PHACTR1: variants seen among roughly 807,000 people sequenced by gnomAD.
PHACTR1 encodes phosphatase and actin regulator 1, also known as RPEL repeat containing 1.
PHACTR1 carries 16 observed loss-of-function variants against 69.2 expected under a neutral mutation model. The observed-to-expected ratio is 0.23, with a 90% confidence interval of 0.16 to 0.35. The LOEUF (loss-of-function observed/expected upper bound fraction) is 0.35, where lower values mean the gene tolerates loss of function less well. Among genes scored for constraint, PHACTR1 ranks in the 10% least tolerant of loss-of-function variants. The pLI, the probability that PHACTR1 is intolerant of heterozygous loss-of-function variation, is 1.00. For missense variants in PHACTR1, 510 were observed against 734.7 expected (o/e 0.69, Z 3.54); for synonymous variants, 312 against 284.5 (o/e 1.10, Z -0.97).
At chr6:13,254,040 T>C (rs1774851469) in intron 10 of PHACTR1, among the ~76,000 whole-genome samples, 1 of 152,120 alleles carries the variant, frequency 6.6e-6, no homozygotes, top group Non-Finnish European at 1.5e-5. Context: ...CCAGCCTGGC[T>C]AACATGGTGA....
At chr6:13,238,298 G>A (rs1182254310) in intron 10 of PHACTR1, among the ~76,000 whole-genome samples, 4 of 152,150 alleles carry the variant, frequency 2.6e-5, no homozygotes, top group African/African-American at 4.8e-5. Context: ...TTTCTCCTTC[G>A]TAAAGGACCG....
intron 4 of PHACTR1, among the ~76,000 whole-genome samples, chr6:12,933,195 G>A (rs140245939): frequency 0.017 from 2,627 of 151,744 alleles, 79 homozygotes; most frequent in African/African-American, 0.06. Context: ...CCCCTGTCTC[G>A]CCCTCCCAAA....
intron 6 of PHACTR1, among the ~76,000 whole-genome samples, chr6:13,165,964 G>C (rs1465891875): frequency 6.6e-6 from 1 of 152,192 alleles, no homozygotes; most frequent in Non-Finnish European, 1.5e-5. Flanking sequence ...AGAAATTCCA[G>C]GTTTCTACAA....
At chr6:13,078,570 T>C (rs1451386131) in intron 5 of PHACTR1, among the ~76,000 whole-genome samples, 1 of 152,314 alleles carries the variant, frequency 6.6e-6, no homozygotes, top group South Asian at 2.1e-4. Flanking sequence ...CTAGTTTCCT[T>C]AGGCATTTTC....
At chr6:12,882,428 T>C (rs1783193897) in intron 4 of PHACTR1, among the ~76,000 whole-genome samples, 1 of 152,078 alleles carries the variant, frequency 6.6e-6, no homozygotes, top group South Asian at 2.1e-4. Flanking sequence ...ATTTATCTCA[T>C]TACCATGCAG....
At chr6:12,962,738 T>G (rs552546537) in intron 4 of PHACTR1, among the ~76,000 whole-genome samples, 1 of 152,356 alleles carries the variant, frequency 6.6e-6, no homozygotes, top group East Asian at 1.9e-4. Context: ...AACATAGTTT[T>G]GAATTAGATG....
chr6:13,119,577 C>A (rs1239196297), intron 5 of PHACTR1, among the ~76,000 whole-genome samples: 1 of 152,172 alleles, frequency 6.6e-6, no homozygotes, highest in Non-Finnish European at 1.5e-5. Context: ...GAGCTCCCAG[C>A]CCCTGCAGCT....
chr6:12,996,262 C>G (rs11963982), intron 4 of PHACTR1, among the ~76,000 whole-genome samples: 75,064 of 151,900 alleles, frequency 0.49, 20,185 homozygotes, highest in African/African-American at 0.71. Context: ...ACAATGGACA[C>G]TCAAAAATCA....
chr6:12,749,993 C>G (rs1766384189), intron 4 of PHACTR1, among the ~76,000 whole-genome samples: 1 of 152,178 alleles, frequency 6.6e-6, no homozygotes, highest in Non-Finnish European at 1.5e-5. Context: ...AGCCCCACAT[C>G]CGCCCGAGTC....
At chr6:12,933,745 G>C (rs1789127828) in intron 4 of PHACTR1, 1 of 1,612,798 alleles carries the variant, frequency 6.2e-7, no homozygotes, top group Non-Finnish European at 8.5e-7. Context: ...GCCTCCTGAA[G>C]ACAGCCCCTA....
chr6:12,764,819 G>C (rs182729928), intron 4 of PHACTR1, among the ~76,000 whole-genome samples: 1 of 152,096 alleles, frequency 6.6e-6, no homozygotes, highest in African/African-American at 2.4e-5. Context: ...AATGTCTAGA[G>C]GTCATGGATA....
chr6:13,204,998 C>T (rs577935680), intron 7 of PHACTR1, among the ~76,000 whole-genome samples: 1 of 152,248 alleles, frequency 6.6e-6, no homozygotes, highest in African/African-American at 2.4e-5. Flanking sequence ...ATGTCTTGGT[C>T]TGTTTTGTGT....
chr6:12,858,674 T>C (rs992878144), intron 4 of PHACTR1, among the ~76,000 whole-genome samples: 2 of 152,068 alleles, frequency 1.3e-5, no homozygotes, highest in African/African-American at 4.8e-5. Context: ...TGTGTGCCTA[T>C]AGTCCCAGCT....
intron 5 of PHACTR1, among the ~76,000 whole-genome samples, chr6:13,136,925 T>C (rs1223518): frequency 0.93 from 142,061 of 152,308 alleles, 66,838 homozygotes; most frequent in Non-Finnish European, 0.99. Context: ...TCGCCATAAT[T>C]ACAGATCACC....
chr6:12,829,060 A>G (rs1276910232), intron 4 of PHACTR1, among the ~76,000 whole-genome samples: 1 of 152,146 alleles, frequency 6.6e-6, no homozygotes, highest in African/African-American at 2.4e-5. Context: ...ATCACTCCGT[A>G]CCCCATAAAT....
At chr6:12,965,196 C>T (rs993996565) in intron 4 of PHACTR1, among the ~76,000 whole-genome samples, 4 of 152,030 alleles carry the variant, frequency 2.6e-5, no homozygotes, top group African/African-American at 7.3e-5. Flanking sequence ...ACATTTTGAA[C>T]CCCCCCATGG....
chr6:12,970,754 TCAAA>T (rs1465761576), intron 4 of PHACTR1, among the ~76,000 whole-genome samples: 2 of 152,294 alleles, frequency 1.3e-5, no homozygotes, highest in African/African-American at 4.8e-5. Context: ...AGACTCTGTC[TCAAA>T]CAAACAAGCA....
chr6:13,223,775 G>A (rs1769081644), intron 8 of PHACTR1, among the ~76,000 whole-genome samples: 1 of 152,050 alleles, frequency 6.6e-6, no homozygotes, highest in South Asian at 2.1e-4. Flanking sequence ...TGTCCCATAC[G>A]GTTGCTGGAA....
intron 4 of PHACTR1, among the ~76,000 whole-genome samples, chr6:12,805,013 C>T (rs1468974406): frequency 6.6e-6 from 1 of 152,134 alleles, no homozygotes; most frequent in Non-Finnish European, 1.5e-5. Context: ...AATTTTACCC[C>T]TCTTTTATCC....
Sources: gnomAD v4.1 joint callset for allele counts (sites outside exome capture counted in the v4.1 genomes callset) on GRCh38, gnomAD v4.1.1 for gene constraint, MANE v1.5 for transcripts, NCBI Gene and HGNC (gene_info 2026-07-23, HGNC 2026-07-21) for gene names.